Variants in EVL observed in about 807,000 individuals in gnomAD.
EVL encodes the protein Enah/Vasp-like, also known as ena/VASP-like protein.
EVL carries 21 observed loss-of-function variants against 59.6 expected under a neutral mutation model. The observed-to-expected ratio is 0.35, with a 90% CI of 0.25 to 0.51. The LOEUF is 0.51. EVL is among the 20% of genes least tolerant of loss of function. The probability of loss-of-function intolerance (pLI) is 0.97; values close to 1 mark genes in which losing one functional copy is unlikely to be tolerated. For synonymous variants in EVL, 198 were observed against 203.5 expected (o/e 0.97, Z 0.23); for missense variants, 462 against 546.6 (o/e 0.85, Z 1.54).
At chr14:100,023,624 G>A (rs2061164694) in intron 1 of EVL, among the ~76,000 whole-genome samples, 1 of 151,790 alleles carries the variant, frequency 6.6e-6, no homozygotes, top group African/African-American at 2.4e-5. Context: ...ACCGCACCTA[G>A]CCTAATTTTT....
At chr14:100,017,246 T>G (rs76655228) in intron 1 of EVL, among the ~76,000 whole-genome samples, 4 of 152,206 alleles carry the variant, frequency 2.6e-5, no homozygotes, top group Non-Finnish European at 5.9e-5. Context: ...CAGGACCTTA[T>G]GAATTGCCCT....
intron 1 of EVL, among the ~76,000 whole-genome samples, chr14:100,036,918 T>C (rs571922331): frequency 2.0e-5 from 3 of 152,306 alleles, no homozygotes; most frequent in African/African-American, 7.2e-5. Context: ...GAGTGGCCCC[T>C]AGTCCAATAG....
chr14:100,124,375 T>C (rs1887895574), intron 4 of EVL, among the ~76,000 whole-genome samples: 1 of 152,202 alleles, frequency 6.6e-6, no homozygotes, highest in Non-Finnish European at 1.5e-5. Context: ...CATACGGACT[T>C]CTCCCAAGAC....
intron 8 of EVL, among the ~76,000 whole-genome samples, chr14:100,133,318 A>G (rs928768013): frequency 6.6e-6 from 1 of 152,220 alleles, no homozygotes; most frequent in African/African-American, 2.4e-5. Context: ...GCTTCCAGTT[A>G]GGGCGGCTAA....
chr14:100,089,447 A>G (rs2140308204), intron 2 of EVL, among the ~76,000 whole-genome samples: 2 of 152,376 alleles, frequency 1.3e-5, no homozygotes, highest in Middle Eastern at 3.4e-3. Context: ...CCACAGAGGA[A>G]TTAAACCAGA....
intron 4 of EVL, among the ~76,000 whole-genome samples, chr14:100,125,832 G>A (rs1888039090): frequency 6.6e-6 from 1 of 152,156 alleles, no homozygotes; most frequent in African/African-American, 2.4e-5. Context: ...GTGATTACAG[G>A]CGTGAGCCAC....
At chr14:100,125,137 CACACACACACACA>C (rs1566718390) in intron 4 of EVL, among the ~76,000 whole-genome samples, 2 of 143,592 alleles carry the variant, frequency 1.4e-5, no homozygotes, top group Non-Finnish European at 3.0e-5. Flanking sequence ...CACACACACA[CACACACACACACA>C]CCTGCCCCAA....
chr14:100,042,917 G>A (rs1273959281), intron 1 of EVL, among the ~76,000 whole-genome samples: 1 of 152,140 alleles, frequency 6.6e-6, no homozygotes. Context: ...AGGTATATAA[G>A]CCCTGAGTCT....
At chr14:100,034,020 G>T (rs916006364) in intron 1 of EVL, among the ~76,000 whole-genome samples, 1 of 151,918 alleles carries the variant, frequency 6.6e-6, no homozygotes, top group Admixed American at 6.6e-5. Context: ...GAGGTCAGGA[G>T]TTCAAGACCA....
intron 4 of EVL, 26 bp downstream of exon 4, chr14:100,123,628 G>A (rs1463395662): frequency 6.2e-6 from 10 of 1,612,924 alleles, no homozygotes; most frequent in Non-Finnish European, 8.5e-6. Context: ...CAGGGGCCAG[G>A]CTGGTCATCT....
chr14:100,098,662 G>A (rs1885985858), intron 3 of EVL, among the ~76,000 whole-genome samples: 1 of 152,206 alleles, frequency 6.6e-6, no homozygotes, highest in Admixed American at 6.5e-5. Context: ...CAGGATGGGT[G>A]TCTTGATTGA....
rs1482834375 is a variant in EVL at position 100,144,002 on chromosome 14, T to C, written c.*264T>C. The C allele has an allele frequency of 7.7e-6, 4 of 522,172 alleles. No homozygotes were observed. Among genetic ancestry groups the C allele is most frequent in the African/African-American group, 1.9e-5 (1 of 51,538 alleles). 32.3% of individuals were successfully genotyped at this position (522,172 alleles called of 1,614,324 possible). A position where few individuals can be genotyped will look rare whatever the true frequency, so the allele number is the denominator to read the frequency against. On this transcript the variant is annotated 3_prime_UTR_variant, in exon 14 of 14. Coordinates refer to ENST00000392920, the MANE Select transcript of EVL (RefSeq NM_016337.3). ...ATTTGCTTATTTAAGGTACATTTCTTTGGGTTTCTAGAGACGCCCCTAAGT... is the reference window on the plus strand; with the variant it reads ...ATTTGCTTATTTAAGGTACATTTCTCTGGGTTTCTAGAGACGCCCCTAAGT...
At chr14:100,078,021 G>A (rs1408462979) in intron 1 of EVL, among the ~76,000 whole-genome samples, 1 of 152,096 alleles carries the variant, frequency 6.6e-6, no homozygotes, top group Non-Finnish European at 1.5e-5. Flanking sequence ...TGATCCGCCC[G>A]CCTTGGCCTC....
At chr14:100,045,109 G>A (rs940245619) in intron 1 of EVL, among the ~76,000 whole-genome samples, 9 of 152,182 alleles carry the variant, frequency 5.9e-5, no homozygotes, top group African/African-American at 9.7e-5. Flanking sequence ...CCTCACTCCC[G>A]TCTGCAGTTG....
chr14:100,012,209 A>G (rs1027618968), intron 1 of EVL, among the ~76,000 whole-genome samples: 29 of 152,236 alleles, frequency 1.9e-4, no homozygotes, highest in Admixed American at 1.4e-3. Flanking sequence ...CCCCAGCTTC[A>G]TATACTTGGT....
intron 3 of EVL, among the ~76,000 whole-genome samples, chr14:100,103,610 G>GC (rs141307164): frequency 6.6e-6 from 1 of 151,882 alleles, no homozygotes; most frequent in Non-Finnish European, 1.5e-5. Context: ...GACTTCTGTG[G>GC]CCCCCCATGC....
At position 100,045,246 on chromosome 14, in the gene EVL, T is replaced by C. The variant is rs1410815177; in HGVS notation, c.6-39441T>C. ...CTGGTGCATAACTCCTACTCCTGCC[T>C]TAATCCTCTGTTCCTGGCACCTCTT... On this transcript the variant is annotated intron_variant, in intron 1 of 13. Transcript: ENST00000402714. Among the ~76,000 whole-genome samples the C allele has an allele frequency of 3.3e-5, 5 of 152,288 alleles. No homozygotes were observed. In the East Asian group the frequency reaches 5.8e-4, roughly 18 times the overall value.
At chr14:100,035,918 A>G (rs2061382036) in intron 1 of EVL, among the ~76,000 whole-genome samples, 2 of 152,108 alleles carry the variant, frequency 1.3e-5, no homozygotes, top group African/African-American at 4.8e-5. Flanking sequence ...CCAAGACTCA[A>G]TCCCCTGGCT....
At chr14:100,107,333 C>T (rs1320183600) in intron 3 of EVL, 2 of 398,510 alleles carry the variant, frequency 5.0e-6, no homozygotes, top group Admixed American at 8.8e-5. Flanking sequence ...AAATCCCCCT[C>T]AAAGCCTCTG....
Sources: allele counts gnomAD v4.1 joint callset (sites outside exome capture counted in the v4.1 genomes callset), GRCh38; gene constraint gnomAD v4.1.1; transcripts MANE v1.5; gene names NCBI Gene and HGNC (gene_info 2026-07-23, HGNC 2026-07-21).